Variants in C12orf60 observed in about 807,000 individuals in gnomAD.
The protein encoded by C12orf60 is chromosome 12 open reading frame 60.
For missense variants in C12orf60, 284 were observed against 283.2 expected (o/e 1.00, Z -0.02); for synonymous variants, 102 against 94.6 (o/e 1.08, Z -0.45).
intron 1 of C12orf60, among the ~76,000 whole-genome samples, chr12:14,822,013 G>A (rs1950313450): frequency 7.1e-6 from 1 of 141,434 alleles, no homozygotes; most frequent in South Asian, 2.4e-4. Context: ...TGGGGGTGGG[G>A]TGGGGAGTAG....
At chr12:14,811,199 A>C (rs1950130565) in intron 1 of C12orf60, among the ~76,000 whole-genome samples, 1 of 152,180 alleles carries the variant, frequency 6.6e-6, no homozygotes, top group Non-Finnish European at 1.5e-5. Flanking sequence ...ACTTTTGTAC[A>C]GAGTTTGTGC....
Position 14,823,391 on chromosome 12 carries a change from A to G in C12orf60, c.456A>G (p.Gln152=), listed in dbSNP as rs137963318. 1.5e-5 allele frequency: 24 copies of G among 1,614,044 alleles called. 1 individual carries two copies. Among genetic ancestry groups the G allele is most frequent in the Middle Eastern group, 1.6e-4 (1 of 6,084 alleles). ...HLMKFPIMNL[Q]LSDFYTEDTK... Reference sequence around the variant, plus strand: ...TGAAATTCCCCATCATGAATCTTCAATTAAGTGACTTCTATACAGAAGACA... The same window carrying G: ...TGAAATTCCCCATCATGAATCTTCAGTTAAGTGACTTCTATACAGAAGACA... The change falls in exon 2 of 2, where the codon CAA becomes CAG. Residue 152 remains glutamine (Q), a synonymous_variant. Coordinates refer to ENST00000330828, the MANE Select transcript of C12orf60 (RefSeq NM_175874.4).
chr12:14,823,769 C>A lies in C12orf60; in HGVS notation c.*96C>A. 8.3e-7 allele frequency: 1 copy of A among 1,205,178 alleles called. No homozygotes were observed. Among genetic ancestry groups the A allele is most frequent in the Non-Finnish European group, 1.1e-6 (1 of 885,272 alleles). The allele number at this position is 1,205,178 out of a possible 1,614,324, so 74.7% of individuals were successfully genotyped here. On this transcript the variant is annotated 3_prime_UTR_variant, in exon 2 of 2. Coordinates refer to ENST00000330828, the MANE Select transcript of C12orf60 (RefSeq NM_175874.4). The stretch of plus-strand genomic sequence containing the variant: ...AAGATCTTTTGGTGCCAAACATGTG[C>A]TATGTTAGAACATAAGTACACAAAA...
Position 14,823,458 on chromosome 12 carries a change from A to T in C12orf60, c.523A>T (p.Ser175Cys). Residue 175 changes from serine (S) to cysteine (C), a missense_variant, in exon 2 of 2, where the codon AGT becomes TGT. Ser to Cys is a moderately radical substitution (Grantham distance 112). Transcript: ENST00000330828. Reference protein sequence around the residue: ...SDVTTSERTRSPPGSSKTTMI... With the variant: ...SDVTTSERTRCPPGSSKTTMI... ...TGTCACCACATCTGAGAGAACCAGA[A>T]GTCCTCCAGGTTCTTCCAAAACCAC... 1 of 1,612,502 alleles carries T rather than the reference A, an allele frequency of 6.2e-7. No individual in the cohort carries two copies. Among genetic ancestry groups the T allele is most frequent in the Non-Finnish European group, 8.5e-7 (1 of 1,179,718 alleles).
chr12:14,808,746 A>G (rs1387538876), intron 1 of C12orf60, among the ~76,000 whole-genome samples: 1 of 152,218 alleles, frequency 6.6e-6, no homozygotes, highest in African/African-American at 2.4e-5. Flanking sequence ...CCATGGTCAG[A>G]AATTAATTTT....
chr12:14,818,036 G>T (rs566876227), intron 1 of C12orf60, among the ~76,000 whole-genome samples: 1 of 152,182 alleles, frequency 6.6e-6, no homozygotes, highest in East Asian at 1.9e-4. Context: ...ACTGGCATGA[G>T]ATGGTATCTC....
At chr12:14,808,600 C>T (rs1592231352) in intron 1 of C12orf60, among the ~76,000 whole-genome samples, 1 of 152,104 alleles carries the variant, frequency 6.6e-6, no homozygotes, top group African/African-American at 2.4e-5. Flanking sequence ...TGAAAATAAC[C>T]TATCCTCCAA....
intron 1 of C12orf60, 32 bp from the exon 2 acceptor site, chr12:14,822,879 AT>A: frequency 1.3e-6 from 2 of 1,503,098 alleles, no homozygotes; most frequent in Non-Finnish European, 1.8e-6. Context: ...ATCGACTTTT[AT>A]TTTTCATTTG....
intron 1 of C12orf60, chr12:14,806,031 A>G: frequency 6.2e-7 from 1 of 1,613,618 alleles, no homozygotes; most frequent in Non-Finnish European, 8.5e-7. Flanking sequence ...CACTGTATTG[A>G]TGACCTCAGT....
chr12:14,809,663 G>A (rs898806662), intron 1 of C12orf60, among the ~76,000 whole-genome samples: 3 of 151,910 alleles, frequency 2.0e-5, no homozygotes, highest in African/African-American at 7.3e-5. Flanking sequence ...AGAAGAAAAT[G>A]GATAATTTTC....
At chr12:14,814,987 ATTAG>A (rs2137273735) in intron 1 of C12orf60, among the ~76,000 whole-genome samples, 1 of 152,376 alleles carries the variant, frequency 6.6e-6, no homozygotes, top group African/African-American at 2.4e-5. Flanking sequence ...TAATATGAGT[ATTAG>A]TTAATAATTT....
In C12orf60 at chr12:14,823,024, T is replaced by C. The variant is rs2137289394; in HGVS notation, c.89T>C (p.Ile30Thr). The change falls in exon 2 of 2, where the codon ATA becomes ACA. Residue 30 changes from isoleucine (I) to threonine (T), a missense_variant. Ile to Thr is a moderately conservative substitution (Grantham distance 89). Coordinates refer to ENST00000330828, the MANE Select transcript of C12orf60 (RefSeq NM_175874.4). The part of the protein sequence containing the change: ...FFHVQDLASV[I>T]NTLTELFSRS... ...CATGTACAAGATCTTGCTTCTGTCA[T>C]AAACACACTGACTGAATTGTTTAGC... 1 of 1,613,862 alleles carries C rather than the reference T, an allele frequency of 6.2e-7. No individual in the cohort carries two copies. Among genetic ancestry groups the C allele is most frequent in the Non-Finnish European group, 8.5e-7 (1 of 1,179,714 alleles).
chr12:14,821,397 C>T (rs1291450208), intron 1 of C12orf60, among the ~76,000 whole-genome samples: 1 of 152,126 alleles, frequency 6.6e-6, no homozygotes, highest in Non-Finnish European at 1.5e-5. Context: ...AGAGTCTATT[C>T]TTTGCCTCTT....
intron 1 of C12orf60, among the ~76,000 whole-genome samples, chr12:14,821,267 G>C (rs1173481402): frequency 6.6e-6 from 1 of 152,138 alleles, no homozygotes; most frequent in African/African-American, 2.4e-5. Flanking sequence ...TCCTAGGGCT[G>C]CTGTCACAAA....
chr12:14,815,214 AGGGCTAAGT>A (rs1950197380), intron 1 of C12orf60, among the ~76,000 whole-genome samples: 1 of 152,194 alleles, frequency 6.6e-6, no homozygotes, highest in South Asian at 2.1e-4. Flanking sequence ...ATTCTAAAGA[AGGGCTAAGT>A]GGGGTCACTT....
Position 14,823,687 on chromosome 12 carries a change from A to G in C12orf60, c.*14A>G, listed in dbSNP as rs2137291700. 1.3e-6 allele frequency: 2 copies of G among 1,528,284 alleles called. No homozygotes were observed. Among genetic ancestry groups the G allele is most frequent in the South Asian group, 1.3e-5 (1 of 75,454 alleles). The allele number at this position is 1,528,284 out of a possible 1,614,324, so 94.7% of individuals were successfully genotyped here. A position where few individuals can be genotyped will look rare whatever the true frequency, so the allele number is the denominator to read the frequency against. On this transcript the variant is annotated 3_prime_UTR_variant, in exon 2 of 2. Transcript: ENST00000330828. The stretch of plus-strand genomic sequence containing the variant: ...AGTGACAAGTAGGGATGCAACAGAA[A>G]TGTTCATTTCTGTCAGAAAACTACT...
At chr12:14,805,474 C>A (rs1950033478) in intron 1 of C12orf60, 1 of 152,614 alleles carries the variant, frequency 6.6e-6, no homozygotes, top group Admixed American at 6.5e-5. Flanking sequence ...TGTTACAAAC[C>A]ATTTTTCAGT....
intron 1 of C12orf60, among the ~76,000 whole-genome samples, chr12:14,806,956 C>T (rs1316689745): frequency 1.3e-5 from 2 of 152,092 alleles, no homozygotes; most frequent in South Asian, 2.1e-4. Context: ...CTCAGCCTCC[C>T]GAGTAGCTGG....
chr12:14,806,763 A>G, intron 1 of C12orf60: 1 of 1,381,276 alleles, frequency 7.2e-7, no homozygotes, highest in South Asian at 1.4e-5. Flanking sequence ...TGTAGAAGGG[A>G]CTAGGAAATC....
Sources: allele counts gnomAD v4.1 joint callset (sites outside exome capture counted in the v4.1 genomes callset), GRCh38; gene constraint gnomAD v4.1.1; transcripts MANE v1.5; gene names NCBI Gene and HGNC (gene_info 2026-07-23, HGNC 2026-07-21).